Variants in GLRA3 observed in about 807,000 individuals in gnomAD.
The protein encoded by GLRA3 is glycine receptor alpha 3.
GLRA3 carries 44 observed loss-of-function variants against 60.4 expected under a neutral mutation model. The ratio of observed to expected loss-of-function variants is 0.73; its 90% confidence interval spans 0.57 to 0.94. GLRA3 has a LOEUF of 0.94. Among genes scored for constraint, GLRA3 ranks in the 40% least tolerant of loss-of-function variants. GLRA3 has a pLI of 0.00. For synonymous variants in GLRA3, 223 were observed against 192.9 expected (o/e 1.16, Z -1.29); for missense variants, 508 against 564.6 (o/e 0.90, Z 1.02).
At chr4:174,732,407 T>C (rs1736588981) in intron 3 of GLRA3, among the ~76,000 whole-genome samples, 2 of 148,698 alleles carry the variant, frequency 1.3e-5, no homozygotes, top group East Asian at 2.0e-4. Flanking sequence ...ATAAATTTGA[T>C]ATATGCACAC....
At chr4:174,708,029 C>T (rs185740284) in intron 5 of GLRA3, among the ~76,000 whole-genome samples, 15 of 152,198 alleles carry the variant, frequency 9.9e-5, no homozygotes, top group African/African-American at 3.4e-4. Context: ...ATAGTTTTGT[C>T]TTGGGAGGAC....
At chr4:174,741,751 G>A (rs768473443) in intron 3 of GLRA3, among the ~76,000 whole-genome samples, 11 of 151,948 alleles carry the variant, frequency 7.2e-5, no homozygotes, top group Admixed American at 4.6e-4. Flanking sequence ...GGTCAACTAC[G>A]AGTTAATTTT....
chr4:174,721,007 TTGTGTGTGTG>T (rs10639932), intron 4 of GLRA3, among the ~76,000 whole-genome samples: 91 of 141,558 alleles, frequency 6.4e-4, no homozygotes, highest in Non-Finnish European at 1.0e-3. Context: ...TGTGTGAACT[TTGTGTGTGTG>T]TGTGTGTGTG....
At chr4:174,735,046 G>C (rs1736714859) in intron 3 of GLRA3, among the ~76,000 whole-genome samples, 1 of 152,084 alleles carries the variant, frequency 6.6e-6, no homozygotes, top group Non-Finnish European at 1.5e-5. Flanking sequence ...CTCCCGCTAA[G>C]GTGCTGCACA....
chr4:174,739,563 T>C (rs79187249), intron 3 of GLRA3, among the ~76,000 whole-genome samples: 1,740 of 152,268 alleles, frequency 0.011, 19 homozygotes, highest in Non-Finnish European at 0.017. Context: ...AAGAGCATTA[T>C]CTCAAAGAAT....
At chr4:174,812,629 T>C (rs921286261) in intron 1 of GLRA3, among the ~76,000 whole-genome samples, 5 of 152,152 alleles carry the variant, frequency 3.3e-5, no homozygotes, top group Non-Finnish European at 7.4e-5. Context: ...AATGGTGTCA[T>C]TCAATTTCAC....
At chr4:174,818,774 T>C (rs953347813) in intron 1 of GLRA3, among the ~76,000 whole-genome samples, 11 of 152,138 alleles carry the variant, frequency 7.2e-5, no homozygotes, top group Non-Finnish European at 1.3e-4. Flanking sequence ...GACTCAGAGG[T>C]CCATTTATTT....
At chr4:174,763,890 A>T (rs1001240674) in intron 3 of GLRA3, among the ~76,000 whole-genome samples, 1 of 152,168 alleles carries the variant, frequency 6.6e-6, no homozygotes, top group African/African-American at 2.4e-5. Flanking sequence ...GTGAACTTGA[A>T]ATAATTGAGG....
intron 3 of GLRA3, among the ~76,000 whole-genome samples, chr4:174,749,952 C>A (rs1178064911): frequency 6.6e-6 from 1 of 152,010 alleles, no homozygotes; most frequent in African/African-American, 2.4e-5. Flanking sequence ...AAAATTCTAA[C>A]AAAATCTAAG....
At position 174,758,879 on chromosome 4, in the gene GLRA3, G is replaced by A. The variant is rs992208563; in HGVS notation, c.267+8084C>T. Among the ~76,000 whole-genome samples, 5 of 152,180 alleles carry A rather than the reference G, an allele frequency of 3.3e-5. No individual in the cohort carries two copies. The South Asian group carries it at 1.0e-3, about 31-fold the overall frequency. ...GATATGACAACCCCTGAAAAACATA[G>A]TTCTGAGTAACTGAGTAACTGAAGA... is the stretch of plus-strand genomic sequence containing the variant. On this transcript the variant is annotated intron_variant, in intron 3 of 9. Transcript: ENST00000274093.
intron 4 of GLRA3, among the ~76,000 whole-genome samples, chr4:174,725,100 A>C (rs1736270893): frequency 6.6e-6 from 1 of 152,132 alleles, no homozygotes; most frequent in African/African-American, 2.4e-5. Flanking sequence ...TTTTAGCTTC[A>C]TACCCTTTCC....
At chr4:174,676,961 A>T (rs1007634633) in intron 7 of GLRA3, 117 bp downstream of exon 7, 11 of 643,996 alleles carry the variant, frequency 1.7e-5, no homozygotes, top group Non-Finnish European at 3.0e-5. Context: ...TTACTTTAAA[A>T]ACCAGTAATG....
At chr4:174,678,632 T>C (rs1394331024) in intron 6 of GLRA3, among the ~76,000 whole-genome samples, 2 of 152,232 alleles carry the variant, frequency 1.3e-5, no homozygotes, top group East Asian at 1.9e-4. Context: ...TCAACAAAAG[T>C]TCATAAAGTC....
At chr4:174,796,086 G>A (rs1053119100) in intron 1 of GLRA3, among the ~76,000 whole-genome samples, 1 of 152,166 alleles carries the variant, frequency 6.6e-6, no homozygotes, top group Non-Finnish European at 1.5e-5. Context: ...ACCCTAAGTT[G>A]ATGGTAATAG....
At chr4:174,815,634 G>A (rs1278124653) in intron 1 of GLRA3, among the ~76,000 whole-genome samples, 1 of 152,158 alleles carries the variant, frequency 6.6e-6, no homozygotes, top group African/African-American at 2.4e-5. Context: ...AGTTGCCAAG[G>A]CTGGTGGCTT....
intron 1 of GLRA3, among the ~76,000 whole-genome samples, chr4:174,814,277 T>C (rs996869323): frequency 3.3e-5 from 5 of 152,094 alleles, no homozygotes; most frequent in African/African-American, 4.8e-5. Flanking sequence ...TAGAGGATTA[T>C]ATTGATTAGT....
At chr4:174,724,372 G>C (rs1736240643) in intron 4 of GLRA3, among the ~76,000 whole-genome samples, 1 of 151,936 alleles carries the variant, frequency 6.6e-6, no homozygotes, top group South Asian at 2.1e-4. Flanking sequence ...TATATATCTT[G>C]ACAAATCCTC....
chr4:174,797,734 C>A (rs1739627286), intron 1 of GLRA3, among the ~76,000 whole-genome samples: 2 of 152,016 alleles, frequency 1.3e-5, no homozygotes, highest in South Asian at 4.2e-4. Flanking sequence ...GAGTTTGAGA[C>A]CAGCCTGAGC....
chr4:174,728,373 G>A (rs1402470811), intron 4 of GLRA3, 102 bp downstream of exon 4: 3 of 650,290 alleles, frequency 4.6e-6, no homozygotes, highest in Admixed American at 2.7e-5. Context: ...AACAATGATA[G>A]CACTTGTTCA....
Sources: gnomAD v4.1 joint callset for allele counts (sites outside exome capture counted in the v4.1 genomes callset) on GRCh38, gnomAD v4.1.1 for gene constraint, MANE v1.5 for transcripts, NCBI Gene and HGNC (gene_info 2026-07-23, HGNC 2026-07-21) for gene names.